ATG5: variants seen among roughly 807,000 people sequenced by gnomAD.
ATG5 encodes the protein autophagy related 5, also known as autophagy protein 5.
In ATG5, 14 loss-of-function variants were observed where a neutral mutation model predicts 36.5. That is an observed-to-expected ratio of 0.38 (90% CI 0.25 to 0.60). ATG5 has a LOEUF of 0.60. Among genes scored for constraint, ATG5 ranks in the 20% least tolerant of loss-of-function variants. The probability of loss-of-function intolerance (pLI) is 0.60; values close to 1 mark genes in which losing one functional copy is unlikely to be tolerated. For missense variants in ATG5, 195 were observed against 326.7 expected (o/e 0.60, Z 3.11); for synonymous variants, 95 against 101.5 (o/e 0.94, Z 0.38).
At chr6:106,274,478 G>A (rs1779570530) in intron 5 of ATG5, among the ~76,000 whole-genome samples, 1 of 152,118 alleles carries the variant, frequency 6.6e-6, no homozygotes, top group African/African-American at 2.4e-5. Context: ...TTAAACTGTT[G>A]TTTAGCTGTT....
chr6:106,259,508 T>A (rs1473806962), intron 5 of ATG5, among the ~76,000 whole-genome samples: 1 of 152,306 alleles, frequency 6.6e-6, no homozygotes, highest in African/African-American at 2.4e-5. Context: ...AAAATACTGG[T>A]GAGAATGAGC....
At chr6:106,225,354 A>AC (rs1157199482) in intron 6 of ATG5, among the ~76,000 whole-genome samples, 6 of 152,264 alleles carry the variant, frequency 3.9e-5, no homozygotes, top group Non-Finnish European at 8.8e-5. Flanking sequence ...AAAATTTCCA[A>AC]AATAATCAAG....
intron 1 of ATG5, among the ~76,000 whole-genome samples, chr6:106,317,934 T>C (rs1770916398): frequency 6.6e-6 from 1 of 152,204 alleles, no homozygotes; most frequent in African/African-American, 2.4e-5. Context: ...GGTATGCAGT[T>C]GTTTCTGCAG....
Position 106,248,334 on chromosome 6 carries a change from C to A in ATG5, c.479-90G>T, listed in dbSNP as rs893198601. The A allele has an allele frequency of 3.3e-5, 27 of 822,730 alleles. No individual in the cohort carries two copies. In the South Asian group the frequency reaches 4.3e-4, roughly 13 times the overall value. The allele number at this position is 822,730 out of a possible 1,614,324, so 51.0% of individuals were successfully genotyped here. A position where few individuals can be genotyped will look rare whatever the true frequency, so the allele number is the denominator to read the frequency against. On this transcript the variant is annotated intron_variant, in intron 5 of 7. Transcript: ENST00000369076. The stretch of plus-strand genomic sequence containing the variant: ...AGAGATGAAAGTTTTAAATATCCCT[C>A]TAGAAGTTTCTGAAAGGACATCACA...
intron 5 of ATG5, among the ~76,000 whole-genome samples, chr6:106,273,826 A>T (rs1395637711): frequency 6.6e-6 from 1 of 152,214 alleles, no homozygotes; most frequent in Non-Finnish European, 1.5e-5. Context: ...AAAGAGCTGG[A>T]ACGGCTGCAT....
At chr6:106,209,029 C>G (rs889509286) in intron 6 of ATG5, among the ~76,000 whole-genome samples, 1 of 152,092 alleles carries the variant, frequency 6.6e-6, no homozygotes, top group South Asian at 2.1e-4. Context: ...AGTGGTAACA[C>G]CAAATGCTGG....
In ATG5 at chr6:106,218,749, CATGT is replaced by C. The variant is rs1777136005; in HGVS notation, c.574-16664_574-16661del. 1.3e-5 allele frequency among the ~76,000 whole-genome samples: 2 copies of C among 152,120 alleles called. 1 individual carries two copies. Among genetic ancestry groups the C allele is most frequent in the South Asian group, 4.1e-4 (2 of 4,830 alleles). The stretch of plus-strand genomic sequence containing the variant: ...CAAGCTGATTCTAAGTTACTTTAAA[CATGT>C]ATGCAGAGTCAGAATATGACTTACT... On this transcript the variant is annotated intron_variant, in intron 6 of 7. Transcript: ENST00000369076.
intron 5 of ATG5, among the ~76,000 whole-genome samples, chr6:106,253,624 C>A (rs1778684760): frequency 6.6e-6 from 1 of 152,156 alleles, no homozygotes; most frequent in South Asian, 2.1e-4. Flanking sequence ...ACCACTTTCA[C>A]CTCTCTGAGC....
Position 106,196,971 on chromosome 6 carries a change from A to G in ATG5, c.691+5001T>C, listed in dbSNP as rs571430087. Among the ~76,000 whole-genome samples, 4 of 152,314 alleles carry G rather than the reference A, an allele frequency of 2.6e-5. No homozygotes were observed. In the South Asian group the frequency reaches 8.3e-4, roughly 32 times the overall value. ...AAAGCAACTGTTAACTTTAGTTTTTACAGATAAAACACAAATGTATCAAGG... is the reference window on the plus strand; with the variant it reads ...AAAGCAACTGTTAACTTTAGTTTTTGCAGATAAAACACAAATGTATCAAGG... On this transcript the variant is annotated intron_variant, in intron 7 of 7. Coordinates refer to ENST00000369076, the MANE Select transcript of ATG5 (RefSeq NM_004849.4).
intron 6 of ATG5, chr6:106,217,394 G>A (rs1210032878): frequency 3.9e-5 from 6 of 152,142 alleles, no homozygotes; most frequent in African/African-American, 1.4e-4. Flanking sequence ...TCATTATAAG[G>A]AGTAATATGA....
chr6:106,307,428 A>G (rs1212131518), intron 3 of ATG5, among the ~76,000 whole-genome samples: 1 of 152,088 alleles, frequency 6.6e-6, no homozygotes, highest in Non-Finnish European at 1.5e-5. Context: ...CAGTTTCATT[A>G]AATATTTTTG....
At chr6:106,247,239 G>A (rs1778375362) in intron 6 of ATG5, among the ~76,000 whole-genome samples, 1 of 152,074 alleles carries the variant, frequency 6.6e-6, no homozygotes, top group Admixed American at 6.6e-5. Context: ...GTCTAAGCCT[G>A]TGACATTATG....
chr6:106,280,610 C>T (rs946852341), intron 4 of ATG5, among the ~76,000 whole-genome samples: 3 of 151,972 alleles, frequency 2.0e-5, no homozygotes, highest in East Asian at 3.8e-4. Context: ...GTAAATGAGA[C>T]GACTGATGCA....
chr6:106,221,148 C>T (rs1297374696), intron 6 of ATG5, among the ~76,000 whole-genome samples: 1 of 152,070 alleles, frequency 6.6e-6, no homozygotes, highest in African/African-American at 2.4e-5. Flanking sequence ...CTACCTCTGG[C>T]GTATATTATC....
rs555505038 is a variant in ATG5 at position 106,200,701 on chromosome 6, C to T, written c.691+1271G>A. On this transcript the variant is annotated intron_variant, in intron 7 of 7. Transcript: ENST00000369076. ...TTCACCATGTTAGCCAGGATGGTCTCGATCTCCTGACCTCGTGATCCACCC... is the reference window on the plus strand; with the variant it reads ...TTCACCATGTTAGCCAGGATGGTCTTGATCTCCTGACCTCGTGATCCACCC... Among the ~76,000 whole-genome samples, 261 of 152,168 alleles carry T rather than the reference C, an allele frequency of 1.7e-3. 2 individuals carry two copies. Among genetic ancestry groups the T allele is most frequent in the African/African-American group, 5.9e-3 (245 of 41,504 alleles).
At chr6:106,258,840 T>C (rs2114544648) in intron 5 of ATG5, among the ~76,000 whole-genome samples, 1 of 152,312 alleles carries the variant, frequency 6.6e-6, no homozygotes, top group South Asian at 2.1e-4. Context: ...TATGGTAACA[T>C]CTGGTATAGT....
chr6:106,319,016 A>AT (rs778415964), intron 1 of ATG5, among the ~76,000 whole-genome samples: 3 of 152,232 alleles, frequency 2.0e-5, no homozygotes, highest in Non-Finnish European at 2.9e-5. Context: ...TAAAATGTGG[A>AT]GCCAGACTGT....
chr6:106,276,276 A>T (rs190621228), intron 5 of ATG5, among the ~76,000 whole-genome samples: 78 of 152,250 alleles, frequency 5.1e-4, no homozygotes, highest in Non-Finnish European at 9.1e-4. Flanking sequence ...CATCCTGGCT[A>T]ACATGGTGAA....
At chr6:106,226,924 A>AGAAG (rs1024590953) in intron 6 of ATG5, among the ~76,000 whole-genome samples, 6 of 152,052 alleles carry the variant, frequency 3.9e-5, no homozygotes, top group East Asian at 1.9e-4. Flanking sequence ...AAGAGAGGGA[A>AGAAG]GAAGGAAGGA....
Sources: gnomAD v4.1 joint callset for allele counts (sites outside exome capture counted in the v4.1 genomes callset) on GRCh38, gnomAD v4.1.1 for gene constraint, MANE v1.5 for transcripts, NCBI Gene and HGNC (gene_info 2026-07-23, HGNC 2026-07-21) for gene names.